Variants in RIC3 observed in about 807,000 individuals in gnomAD.
RIC3 encodes protein RIC-3.
A neutral mutation model predicts 27.3 loss-of-function variants in RIC3; 28 were observed. The observed-to-expected ratio is 1.02, with a 90% CI of 0.76 to 1.41. The LOEUF (loss-of-function observed/expected upper bound fraction) is 1.41. Among genes scored for constraint, RIC3 ranks in the 40% most tolerant of loss-of-function variants. The pLI is 0.00. For synonymous variants in RIC3, 184 were observed against 160.4 expected, an observed-to-expected ratio of 1.15 and a Z score of -1.11; for missense variants, 501 against 444.7, an observed-to-expected ratio of 1.13 and a Z score of -1.14.
chr11:8,158,410 TAGA>T (rs1565122450), intron 1 of RIC3, among the ~76,000 whole-genome samples: 2 of 151,946 alleles, frequency 1.3e-5, no homozygotes, highest in East Asian at 2.0e-4. Flanking sequence ...CCCAGCCAAG[TAGA>T]AGTAGTAGAT....
At chr11:8,166,680 G>A (rs1390708897) in intron 1 of RIC3, among the ~76,000 whole-genome samples, 1 of 152,116 alleles carries the variant, frequency 6.6e-6, no homozygotes, top group Admixed American at 6.5e-5. Context: ...CACCAGCCTG[G>A]ACAATACAAT....
At chr11:8,123,851 G>A (rs1361377831) in intron 5 of RIC3, among the ~76,000 whole-genome samples, 1 of 151,486 alleles carries the variant, frequency 6.6e-6, no homozygotes, top group African/African-American at 2.4e-5. Context: ...CCAGGCATGA[G>A]TAGCTGGGCC....
chr11:8,100,942 T>C, the RIC3 span: 2 of 1,614,154 alleles, frequency 1.2e-6, no homozygotes, highest in Non-Finnish European at 1.7e-6. Context: ...TCAACTTCCA[T>C]GGGCGCGTCA....
chr11:8,121,871 G>A (rs748468709), intron 5 of RIC3, among the ~76,000 whole-genome samples: 1 of 152,030 alleles, frequency 6.6e-6, no homozygotes, highest in Non-Finnish European at 1.5e-5. Flanking sequence ...TAGAATTTGT[G>A]TTGCTTTTAA....
At chr11:8,105,273 C>G (rs927642724), downstream of RIC3, 5 of 152,216 alleles carry the variant, frequency 3.3e-5, no homozygotes, top group African/African-American at 1.2e-4. Flanking sequence ...CTCCAGATAG[C>G]TGAATGAGTC....
chr11:8,120,948 A>G (rs148729538), intron 5 of RIC3, among the ~76,000 whole-genome samples: 3 of 152,206 alleles, frequency 2.0e-5, no homozygotes, highest in African/African-American at 7.2e-5. Flanking sequence ...ATGTACAGAT[A>G]TCCAAGTATT....
rs779012058 is a variant in RIC3 at position 8,168,939 on chromosome 11, C to T, written c.51G>A (p.Leu17=). ...QRVALASGLV[L]ALSLLLPKAF... is the part of the protein sequence containing the mutation. ...CCTTGGGCAGCAGCAGCGACAGAGC[C>T]AGGACAAGCCCAGAAGCCAGAGCGA... Residue 17 remains leucine, a synonymous_variant, in exon 1 of 6, where the codon CTG becomes CTA. Transcript: ENST00000309737. 2 of 1,610,670 alleles carry T rather than the reference C, an allele frequency of 1.2e-6. No homozygotes were observed. Among genetic ancestry groups the T allele is most frequent in the East Asian group, 2.3e-5 (1 of 44,374 alleles).
chr11:8,126,708 A>T lies in RIC3; in HGVS notation c.621T>A (p.Phe207Leu). Residue 207 changes from phenylalanine to leucine, a missense_variant, in exon 5 of 6, where the codon TTT becomes TTA. Phe to Leu is a conservative substitution (Grantham distance 22). Coordinates refer to ENST00000309737, the MANE Select transcript of RIC3 (RefSeq NM_001206671.4). ...CCTCCTCAGCTTCTTTCTCTGGAGAAAATCTGTCAATGAATTTTCCTTCTT... is the reference window on the plus strand; with the variant it reads ...CCTCCTCAGCTTCTTTCTCTGGAGATAATCTGTCAATGAATTTTCCTTCTT... ...VMKEGKFIDR[F>L]SPEKEAEEAP... The T allele has an allele frequency of 6.2e-7, 1 of 1,614,138 alleles. No individual in the cohort carries two copies. The highest frequency in any genetic ancestry group is 8.5e-7 in the Non-Finnish European group (1 of 1,180,002).
rs189397471 is a variant in RIC3, at chr11:8,124,835, C to T, written c.670+1824G>A. On this transcript the variant is annotated intron_variant, in intron 5 of 5. Coordinates refer to ENST00000309737, the MANE Select transcript of RIC3 (RefSeq NM_001206671.4). ...AAAATAAACCTCAGTCCTGACACCT[C>T]AGATCATCTATAAAGGTTAACTCAA... Among the ~76,000 whole-genome samples the T allele has an allele frequency of 4.8e-3, 738 of 152,262 alleles. 8 individuals are homozygous for T. The highest frequency in any genetic ancestry group is 0.017 in the African/African-American group (711 of 41,536).
intron 4 of RIC3, among the ~76,000 whole-genome samples, chr11:8,129,000 C>T (rs1233750800): frequency 1.3e-5 from 2 of 151,890 alleles, no homozygotes; most frequent in Non-Finnish European, 2.9e-5. Flanking sequence ...GTGATCCGCC[C>T]GCCTCGGCCT....
chr11:8,151,380 G>A (rs1450410027), intron 1 of RIC3, among the ~76,000 whole-genome samples: 2 of 151,668 alleles, frequency 1.3e-5, no homozygotes, highest in Non-Finnish European at 2.9e-5. Context: ...GAGGTCAGGA[G>A]ATCGAGACCA....
At chr11:8,168,324 C>T (rs1285797666) in intron 1 of RIC3, among the ~76,000 whole-genome samples, 1 of 152,122 alleles carries the variant, frequency 6.6e-6, no homozygotes, top group Non-Finnish European at 1.5e-5. Context: ...GTAACTGAAA[C>T]TGGGGTTATT....
rs1223990982 is a variant in RIC3 at position 8,106,834 on chromosome 11, T to G, written c.*3864A>C. The G allele has an allele frequency of 1.3e-5, 2 of 152,140 alleles. No homozygotes were observed. The allele number at this position is 152,140 out of a possible 1,614,324, so 9.4% of individuals were successfully genotyped here. On this transcript the variant is annotated 3_prime_UTR_variant, in exon 6 of 6. Coordinates refer to ENST00000309737, the MANE Select transcript of RIC3 (RefSeq NM_001206671.4). ...GCACCCGGAGACTGCAGAAGGGCCCTGGGCCACTCCTGGCAATCAGGGTAG... is the reference window on the plus strand; with the variant it reads ...GCACCCGGAGACTGCAGAAGGGCCCGGGGCCACTCCTGGCAATCAGGGTAG...
downstream of RIC3, chr11:8,101,579 T>G: frequency 6.2e-7 from 1 of 1,614,258 alleles, no homozygotes; most frequent in Non-Finnish European, 8.5e-7. Flanking sequence ...GCCTTTGCCA[T>G]TGCCCTGTCC....
intron 1 of RIC3, 30 bp downstream of exon 1, chr11:8,168,836 G>C: frequency 6.2e-7 from 1 of 1,600,302 alleles, no homozygotes; most frequent in Non-Finnish European, 8.5e-7. Context: ...TCGGCGCCGG[G>C]AAGCTCAGAG....
chr11:8,154,620 T>C (rs1296807108), intron 1 of RIC3, among the ~76,000 whole-genome samples: 1 of 150,312 alleles, frequency 6.7e-6, no homozygotes, highest in Non-Finnish European at 1.5e-5. Flanking sequence ...TAAACTGCAA[T>C]ATAGCATCAC....
chr11:8,113,985 C>A (rs1308908829), intron 5 of RIC3, among the ~76,000 whole-genome samples: 1 of 152,148 alleles, frequency 6.6e-6, no homozygotes, highest in Non-Finnish European at 1.5e-5. Flanking sequence ...AGGTCCATGC[C>A]TGAGGATCCA....
intron 1 of RIC3, among the ~76,000 whole-genome samples, chr11:8,140,673 T>C (rs1317778237): frequency 6.6e-6 from 1 of 152,204 alleles, no homozygotes; most frequent in Non-Finnish European, 1.5e-5. Context: ...CCTCCACTGC[T>C]GCCACCTCAC....
chr11:8,133,242 G>C (rs907124425), intron 4 of RIC3, among the ~76,000 whole-genome samples: 3 of 152,182 alleles, frequency 2.0e-5, no homozygotes, highest in Non-Finnish European at 4.4e-5. Flanking sequence ...ATACCTGCCT[G>C]TAAACCTTGG....
Sources: allele counts gnomAD v4.1 joint callset (sites outside exome capture counted in the v4.1 genomes callset), GRCh38; gene constraint gnomAD v4.1.1; transcripts MANE v1.5; gene names NCBI Gene and HGNC (gene_info 2026-07-23, HGNC 2026-07-21).